Variants in BLZF1 observed in about 807,000 individuals in gnomAD.
The protein encoded by BLZF1 is golgin-45.
BLZF1 carries 39 observed loss-of-function variants against 43.8 expected under a neutral mutation model. That is an observed-to-expected ratio of 0.89 (90% CI 0.69 to 1.16). The LOEUF (loss-of-function observed/expected upper bound fraction) is 1.16. Among genes scored for constraint, BLZF1 ranks in the 50% most tolerant of loss-of-function variants. The pLI is 0.00. For missense variants in BLZF1, 449 were observed against 469.8 expected, an observed-to-expected ratio of 0.96 and a Z score of 0.41; for synonymous variants, 136 against 159.4, an observed-to-expected ratio of 0.85 and a Z score of 1.11.
chr1:169,369,077 G>GAT (rs1349235220), intron 1 of BLZF1, among the ~76,000 whole-genome samples: 1 of 152,036 alleles, frequency 6.6e-6, no homozygotes, highest in Non-Finnish European at 1.5e-5. Context: ...GCTCCTTTTT[G>GAT]ATATGTGTGT....
At chr1:169,376,033 A>C (rs1654329772) in intron 2 of BLZF1, among the ~76,000 whole-genome samples, 1 of 152,042 alleles carries the variant, frequency 6.6e-6, no homozygotes, top group Non-Finnish European at 1.5e-5. Flanking sequence ...TTTCTTAATA[A>C]ATTTTTCGGT....
At chr1:169,376,495 A>C (rs200122718) in intron 2 of BLZF1, 45 bp from the exon 3 acceptor site, 2 of 1,520,630 alleles carry the variant, frequency 1.3e-6, no homozygotes, top group South Asian at 2.6e-5. Context: ...TTTTCTTGGC[A>C]TTTCTTCTTG....
downstream of BLZF1, among the ~76,000 whole-genome samples, chr1:169,391,232 A>G (rs1044930427): frequency 6.6e-6 from 1 of 151,534 alleles, no homozygotes; most frequent in East Asian, 1.9e-4. Flanking sequence ...TAGATGGGAA[A>G]ACAATAGGCT....
At chr1:169,396,129 C>G (rs1191286415) in exon 8 of BLZF1, 3 of 152,060 alleles carry the variant, frequency 2.0e-5, no homozygotes, top group Admixed American at 2.0e-4. Context: ...CATGTACAGA[C>G]AAATACTTAG....
At chr1:169,371,892 A>C (rs534474707) in intron 2 of BLZF1, among the ~76,000 whole-genome samples, 1 of 152,314 alleles carries the variant, frequency 6.6e-6, no homozygotes, top group South Asian at 2.1e-4. Flanking sequence ...GTAGAATAAT[A>C]GGTGTTAGGT....
chr1:169,384,878 G>A (rs1436208856), intron 6 of BLZF1, among the ~76,000 whole-genome samples: 2 of 152,068 alleles, frequency 1.3e-5, no homozygotes, highest in Non-Finnish European at 2.9e-5. Context: ...AAAGGGCTGG[G>A]GACTTTGTGT....
chr1:169,394,971 C>A, intron 7 of BLZF1: 11 of 1,277,250 alleles, frequency 8.6e-6, no homozygotes, highest in Middle Eastern at 2.7e-4. Context: ...AGAATACAAC[C>A]AAAGTACACA....
At chr1:169,380,392 T>G (rs1353371682) in intron 4 of BLZF1, 89 bp from the exon 5 acceptor site, 39 of 1,241,986 alleles carry the variant, frequency 3.1e-5, no homozygotes, top group Non-Finnish European at 3.9e-5. Flanking sequence ...TGTTAGCTTC[T>G]GAAAGTGACA....
chr1:169,380,668 T>G (rs1215840792), intron 5 of BLZF1, 59 bp downstream of exon 5: 17 of 1,588,448 alleles, frequency 1.1e-5, no homozygotes, highest in South Asian at 2.2e-5. Flanking sequence ...TAAGTTATTG[T>G]AGTTTTGGTT....
At chr1:169,378,185 A>C (rs1262389875) in intron 3 of BLZF1, 145 bp from the exon 4 acceptor site, 2 of 691,598 alleles carry the variant, frequency 2.9e-6, no homozygotes, top group Non-Finnish European at 4.8e-6. Context: ...ATGGAACTTA[A>C]ATATTTAATT....
At chr1:169,385,102 T>G (rs949111262) in intron 6 of BLZF1, among the ~76,000 whole-genome samples, 5 of 152,226 alleles carry the variant, frequency 3.3e-5, no homozygotes, top group Non-Finnish European at 7.3e-5. Context: ...GAACTATTCT[T>G]TCCGAGGTTT....
chr1:169,382,001 A>G (rs1206706047), intron 5 of BLZF1, 61 bp from the exon 6 acceptor site: 1 of 1,193,814 alleles, frequency 8.4e-7, no homozygotes. Context: ...CCTATTTACT[A>G]TTATTAATTT....
intron 4 of BLZF1, 78 bp from the exon 5 acceptor site, chr1:169,380,403 G>A (rs1654486925): frequency 1.6e-5 from 21 of 1,331,160 alleles, no homozygotes; most frequent in Non-Finnish European, 1.6e-5. Flanking sequence ...GAAAGTGACA[G>A]TCACAAAGTA....
chr1:169,390,904 T>C (rs909980585), downstream of BLZF1, among the ~76,000 whole-genome samples: 1 of 152,218 alleles, frequency 6.6e-6, no homozygotes, highest in Non-Finnish European at 1.5e-5. Flanking sequence ...CATGCACACA[T>C]GCACACATAC....
rs1479230402 is a variant in BLZF1 at position 169,376,743 on chromosome 1, G to C, written c.232G>C (p.Ala78Pro). 1.2e-6 allele frequency: 2 copies of C among 1,613,326 alleles called. No individual in the cohort carries two copies. The highest frequency in any genetic ancestry group is 3.3e-5 in the Admixed American group (2 of 59,894). Residue 78 changes from alanine (A) to proline (P), a missense_variant, in exon 3 of 7, where the codon GCT becomes CCT. Physicochemically the swap from Ala to Pro is conservative, Grantham distance 27. Coordinates refer to ENST00000367808, the MANE Select transcript of BLZF1 (RefSeq NM_001320973.2). Reference protein sequence around the residue: ...MLTEKAMEVKAVRILVPKAAI... With the variant: ...MLTEKAMEVKPVRILVPKAAI... ...CACTGAAAAAGCAATGGAAGTTAAAGCTGTAAGAATATTAGTTCCCAAAGC... is the reference window on the plus strand; with the variant it reads ...CACTGAAAAAGCAATGGAAGTTAAACCTGTAAGAATATTAGTTCCCAAAGC...
At chr1:169,372,633 T>C (rs1167805631) in intron 2 of BLZF1, among the ~76,000 whole-genome samples, 1 of 152,130 alleles carries the variant, frequency 6.6e-6, no homozygotes, top group African/African-American at 2.4e-5. Context: ...GGTTAAGTGC[T>C]TTGTCCAAGG....
At chr1:169,378,672 T>C in intron 4 of BLZF1, 143 bp downstream of exon 4, 1 of 695,700 alleles carries the variant, frequency 1.4e-6, no homozygotes, top group East Asian at 2.7e-5. Flanking sequence ...GGACTCTCTC[T>C]CCTCTGGATA....
Position 169,387,076 on chromosome 1 carries a change from TAC to T in BLZF1, c.1098_1099del (p.Leu366PhefsTer15). 1 of 1,613,562 alleles carries T rather than the reference TAC, an allele frequency of 6.2e-7. No individual in the cohort carries two copies. The highest frequency in any genetic ancestry group is 8.5e-7 in the Non-Finnish European group (1 of 1,179,744). On this transcript the variant is annotated frameshift_variant, in exon 7 of 7. Transcript: ENST00000367808. LOFTEE classifies it high-confidence loss of function. ...TTTTTTGAGTCTTCACCAACCACCTTACTTGCTACAAAGAAAAATATTGGACG... is the reference window on the plus strand; with the variant it reads ...TTTTTTGAGTCTTCACCAACCACCTTTTGCTACAAAGAAAAATATTGGACG...
intron 7 of BLZF1, chr1:169,395,253 C>T (rs1389312489): frequency 6.6e-7 from 1 of 1,506,268 alleles, no homozygotes; most frequent in South Asian, 1.3e-5. Flanking sequence ...AACCTGAATA[C>T]ACTCTTCATG....
Sources: allele counts gnomAD v4.1 joint callset (sites outside exome capture counted in the v4.1 genomes callset), GRCh38; gene constraint gnomAD v4.1.1; transcripts MANE v1.5; gene names NCBI Gene and HGNC (gene_info 2026-07-23, HGNC 2026-07-21).